The following ADAMTSL1 variants were observed in gnomAD, a reference collection of about 807,000 sequenced individuals.
ADAMTSL1 encodes ADAMTS like 1.
A neutral mutation model predicts 201.8 loss-of-function variants in ADAMTSL1; 126 were observed. The observed-to-expected ratio is 0.62, with a 90% confidence interval of 0.54 to 0.72. The LOEUF (loss-of-function observed/expected upper bound fraction) is 0.72. Ranked by LOEUF, ADAMTSL1 falls within the 30% of genes least tolerant of loss-of-function variation. ADAMTSL1 has a pLI of 0.00. For synonymous variants in ADAMTSL1, 1,121 were observed against 903.4 expected, an observed-to-expected ratio of 1.24 and a Z score of -4.32; for missense variants, 2,679 against 2,277.8, an observed-to-expected ratio of 1.18 and a Z score of -3.59.
intron 1 of ADAMTSL1, among the ~76,000 whole-genome samples, chr9:17,982,162 A>G (rs992397773): frequency 1.3e-5 from 2 of 152,314 alleles, no homozygotes; most frequent in African/African-American, 4.8e-5. Context: ...TGAAGCTTCC[A>G]GTTATACACA....
intron 2 of ADAMTSL1, among the ~76,000 whole-genome samples, chr9:18,530,480 A>G (rs1203047503): frequency 5.3e-5 from 8 of 152,124 alleles, no homozygotes; most frequent in African/African-American, 1.9e-4. Context: ...TGTGTATTAC[A>G]AAGTTCAAAA....
intron 19 of ADAMTSL1, among the ~76,000 whole-genome samples, chr9:18,792,118 TA>T (rs1426612852): frequency 1.3e-5 from 2 of 152,124 alleles, no homozygotes; most frequent in Non-Finnish European, 2.9e-5. Context: ...ATAAGTTGCC[TA>T]GGGGAAACTG....
chr9:18,111,648 C>A (rs569644), intron 1 of ADAMTSL1, among the ~76,000 whole-genome samples: 109,850 of 152,092 alleles, frequency 0.72, 39,775 homozygotes, highest in East Asian at 0.89. Flanking sequence ...AGACTGACCG[C>A]CATAAACAGA....
chr9:18,214,167 T>C (rs1485713036), intron 2 of ADAMTSL1, among the ~76,000 whole-genome samples: 3 of 152,230 alleles, frequency 2.0e-5, no homozygotes, highest in Non-Finnish European at 2.9e-5. Flanking sequence ...TTCTTCTCTT[T>C]CTAACAGCAG....
At chr9:17,926,897 G>A (rs1026013594) in intron 1 of ADAMTSL1, among the ~76,000 whole-genome samples, 8 of 151,996 alleles carry the variant, frequency 5.3e-5, no homozygotes, top group African/African-American at 1.5e-4. Flanking sequence ...AAAACTTATG[G>A]TAGAATATAT....
At chr9:18,542,917 C>T (rs1257870806) in intron 3 of ADAMTSL1, among the ~76,000 whole-genome samples, 1 of 152,148 alleles carries the variant, frequency 6.6e-6, no homozygotes, top group African/African-American at 2.4e-5. Context: ...TGCCAAGTGA[C>T]AAGTTCCAGG....
chr9:17,972,844 A>G (rs1217840221), intron 1 of ADAMTSL1, among the ~76,000 whole-genome samples: 2 of 139,250 alleles, frequency 1.4e-5, no homozygotes, highest in African/African-American at 5.3e-5. Flanking sequence ...TGACTTTTTA[A>G]TGATCACCAT....
intron 19 of ADAMTSL1, among the ~76,000 whole-genome samples, chr9:18,779,404 C>T (rs1821252048): frequency 6.6e-6 from 1 of 152,150 alleles, no homozygotes. Flanking sequence ...CAACTGTATG[C>T]CAGACATAGT....
At chr9:18,896,862 C>A (rs572848793) in intron 26 of ADAMTSL1, among the ~76,000 whole-genome samples, 1 of 152,180 alleles carries the variant, frequency 6.6e-6, no homozygotes, top group African/African-American at 2.4e-5. Flanking sequence ...CCCTGGGAAT[C>A]CCAGCAGACA....
chr9:18,417,992 T>G (rs1429942393), intron 2 of ADAMTSL1, among the ~76,000 whole-genome samples: 3 of 152,068 alleles, frequency 2.0e-5, no homozygotes, highest in Non-Finnish European at 4.4e-5. Flanking sequence ...AGAGAAGAAA[T>G]AATACAATAT....
intron 20 of ADAMTSL1, among the ~76,000 whole-genome samples, chr9:18,798,080 A>T (rs1822543813): frequency 1.3e-5 from 2 of 148,370 alleles, no homozygotes; most frequent in South Asian, 4.5e-4. Context: ...TTTAGTATTA[A>T]TGTAGGCCAA....
intron 2 of ADAMTSL1, among the ~76,000 whole-genome samples, chr9:18,516,361 A>G (rs992109961): frequency 6.6e-5 from 10 of 152,222 alleles, no homozygotes; most frequent in African/African-American, 2.4e-4. Context: ...AGAATAACTT[A>G]TAAAACACTA....
intron 7 of ADAMTSL1, among the ~76,000 whole-genome samples, chr9:18,645,491 A>G (rs2132855386): frequency 6.6e-6 from 1 of 150,724 alleles, no homozygotes; most frequent in East Asian, 2.0e-4. Flanking sequence ...GGTAATGCCT[A>G]GGTTTTCCTC....
chr9:17,982,879 T>A (rs183724447), intron 1 of ADAMTSL1, among the ~76,000 whole-genome samples: 166 of 151,998 alleles, frequency 1.1e-3, no homozygotes, highest in African/African-American at 3.7e-3. Flanking sequence ...TCACTTGGGA[T>A]GTTATTATTT....
At chr9:18,179,920 C>T (rs886842945) in intron 2 of ADAMTSL1, among the ~76,000 whole-genome samples, 10 of 152,112 alleles carry the variant, frequency 6.6e-5, no homozygotes, top group African/African-American at 2.4e-4. Context: ...ACTGCAAAAT[C>T]ATGCCAAATT....
chr9:18,298,678 A>AG (rs954438157), intron 2 of ADAMTSL1, among the ~76,000 whole-genome samples: 4 of 151,940 alleles, frequency 2.6e-5, no homozygotes, highest in Non-Finnish European at 5.9e-5. Context: ...CAAGTTAAAA[A>AG]AAAAAAAAAG....
intron 2 of ADAMTSL1, among the ~76,000 whole-genome samples, chr9:18,171,789 C>A (rs1197742518): frequency 6.6e-6 from 1 of 152,040 alleles, no homozygotes; most frequent in Non-Finnish European, 1.5e-5. Flanking sequence ...CCTAGGTTTT[C>A]TTCTAGGGTT....
chr9:18,604,406 T>G (rs1042302192), intron 4 of ADAMTSL1, among the ~76,000 whole-genome samples: 7 of 152,202 alleles, frequency 4.6e-5, no homozygotes, highest in Non-Finnish European at 1.0e-4. Context: ...ACTTTCACTT[T>G]CTATGCTCCC....
At chr9:18,733,177 G>A (rs893886796) in intron 15 of ADAMTSL1, among the ~76,000 whole-genome samples, 1 of 152,164 alleles carries the variant, frequency 6.6e-6, no homozygotes, top group Non-Finnish European at 1.5e-5. Context: ...AATGACCGCA[G>A]TGTAAAGAAC....
Sources: allele counts gnomAD v4.1 joint callset (sites outside exome capture counted in the v4.1 genomes callset), GRCh38; gene constraint gnomAD v4.1.1; transcripts MANE v1.5; gene names NCBI Gene and HGNC (gene_info 2026-07-23, HGNC 2026-07-21).